Variants in ABCA3 observed in about 807,000 individuals in gnomAD.
The protein encoded by ABCA3 is ATP binding cassette subfamily A member 3, also known as phospholipid-transporting ATPase ABCA3.
ABCA3 carries 88 observed loss-of-function variants against 172.8 expected under a neutral mutation model. That is an observed-to-expected ratio of 0.51 (90% CI 0.43 to 0.61). The LOEUF is 0.61. ABCA3 is among the 20% of genes least tolerant of loss of function. The probability of loss-of-function intolerance (pLI) is 0.00; values close to 1 mark genes in which losing one functional copy is unlikely to be tolerated. For missense variants in ABCA3, 2,164 were observed against 2,301.0 expected (o/e 0.94, Z 1.22); for synonymous variants, 1,066 against 983.8 (o/e 1.08, Z -1.56).
chr16:2,279,796 G>C lies in ABCA3; in HGVS notation c.4360-666C>G, dbSNP rs1465051307. 1.3e-5 allele frequency among the ~76,000 whole-genome samples: 2 copies of C among 150,496 alleles called. No individual in the cohort carries two copies. Among genetic ancestry groups the C allele is most frequent in the Non-Finnish European group, 3.0e-5 (2 of 67,796 alleles). On this transcript the variant is annotated intron_variant, in intron 28 of 32. Transcript: ENST00000301732. This position sits in a 1 kb window ranked among gnomAD's most constrained non-coding sequence, Gnocchi z 4.4. Reference sequence around the variant, plus strand: ...TTACTCTGTCTCCCTTACACTGGTAGAGCGCAGTGGCATGATCTCGGCTCA... The same window carrying C: ...TTACTCTGTCTCCCTTACACTGGTACAGCGCAGTGGCATGATCTCGGCTCA...
At position 2,276,226 on chromosome 16, in the gene ABCA3, C is replaced by A; in HGVS notation, c.*448G>T. ...AGTGATCTGCATGGTCCATTCCTGG[C>A]GGCCTGGGGGCCTCGCTACAGTTCA... On this transcript the variant is annotated 3_prime_UTR_variant, in exon 33 of 33. Transcript: ENST00000301732. 2 of 441,698 alleles carry A rather than the reference C, an allele frequency of 4.5e-6. No individual in the cohort carries two copies. Among genetic ancestry groups the A allele is most frequent in the Admixed American group, 2.4e-5 (1 of 41,112 alleles). 27.4% of individuals were successfully genotyped at this position (441,698 alleles called of 1,614,324 possible).
Position 2,281,080 on chromosome 16 carries a change from T to A in ABCA3, c.4306A>T (p.Thr1436Ser). The A allele has an allele frequency of 6.2e-7, 1 of 1,613,670 alleles. No individual in the cohort carries two copies. ...FKMLTGEESLTSGDAFVGGHR... is the reference protein window; with the variant it reads ...FKMLTGEESLSSGDAFVGGHR... Reference sequence around the variant, plus strand: ...CCCCCGACAAAGGCATCCCCAGAAGTGAGGCTCTCCTCCCCGGTCAGCATT... The same window carrying A: ...CCCCCGACAAAGGCATCCCCAGAAGAGAGGCTCTCCTCCCCGGTCAGCATT... Residue 1436 changes from threonine to serine, a missense_variant, in exon 28 of 33, where the codon ACT (threonine) becomes TCT (serine). Physicochemically the swap from Thr to Ser is moderately conservative, Grantham distance 58. Around this residue, in one of 3 missense-constraint regions of ABCA3, gnomAD observed 795 missense variants for 881.9 expected, o/e 0.90. Coordinates refer to ENST00000301732, the MANE Select transcript of ABCA3 (RefSeq NM_001089.3). This position sits in a 1 kb window ranked among gnomAD's most constrained non-coding sequence, Gnocchi z 4.7.
At chr16:2,307,930 C>A (rs1258262575) in intron 11 of ABCA3, among the ~76,000 whole-genome samples, 2 of 152,138 alleles carry the variant, frequency 1.3e-5, no homozygotes, top group Non-Finnish European at 2.9e-5. Flanking sequence ...TTTTGAATGT[C>A]TCAGGAAGCT....
At chr16:2,301,352 C>G (rs2093689130) in intron 12 of ABCA3, among the ~76,000 whole-genome samples, 1 of 152,080 alleles carries the variant, frequency 6.6e-6, no homozygotes, top group South Asian at 2.1e-4. Context: ...TGTCATCTTA[C>G]AGTTGATGGA....
intron 20 of ABCA3, 21 bp from the exon 21 acceptor site, chr16:2,288,350 G>A: frequency 1.3e-6 from 2 of 1,540,022 alleles, no homozygotes; most frequent in Non-Finnish European, 1.7e-6. Context: ...GGGGACGCAG[G>A]TGACACCGGC....
chr16:2,328,124 G>GA (rs5815118), intron 3 of ABCA3, among the ~76,000 whole-genome samples: 13,194 of 152,146 alleles, frequency 0.087, 1,912 homozygotes, highest in African/African-American at 0.3. Flanking sequence ...ATATAATGGG[G>GA]AAAAAAATCT....
At chr16:2,318,687 AT>A (rs2093720644) in intron 8 of ABCA3, among the ~76,000 whole-genome samples, 1 of 151,640 alleles carries the variant, frequency 6.6e-6, no homozygotes, top group Non-Finnish European at 1.5e-5. Flanking sequence ...TAATTTTTGT[AT>A]TTTTAGTAGA....
At position 2,297,671 on chromosome 16, in the gene ABCA3, G is replaced by A. The variant is rs1412750454; in HGVS notation, c.2052+95C>T. ...TCCAAGGATGGTGATGGCCTTGTCT[G>A]GGGTGTCAAGGGCCAAGGTGCCCGG... On this transcript the variant is annotated intron_variant, in intron 16 of 32. Coordinates refer to ENST00000301732, the MANE Select transcript of ABCA3 (RefSeq NM_001089.3). The surrounding 1 kb of genome is among the most constrained non-coding windows in gnomAD (Gnocchi z 5.6). The A allele has an allele frequency of 1.9e-6, 3 of 1,589,316 alleles. No homozygotes were observed. The highest frequency in any genetic ancestry group is 2.6e-6 in the Non-Finnish European group (3 of 1,171,086).
At chr16:2,301,968 C>T (rs1273574331) in intron 12 of ABCA3, among the ~76,000 whole-genome samples, 1 of 152,258 alleles carries the variant, frequency 6.6e-6, no homozygotes, top group Non-Finnish European at 1.5e-5. Flanking sequence ...ACCTGGCCCG[C>T]CCAGGGCGGA....
In ABCA3 at chr16:2,279,759, T is replaced by TTTA. The variant is rs2093652267; in HGVS notation, c.4360-630_4360-629insTAA. On this transcript the variant is annotated intron_variant, in intron 28 of 32. Transcript: ENST00000301732. The surrounding 1 kb of genome is among the most constrained non-coding windows in gnomAD (Gnocchi z 4.4). ...CTTCCAGAATTTTTTTTTTTTTTTTTGAGACAGAGTCTTACTCTGTCTCCC... is the reference window on the plus strand; with the variant it reads ...CTTCCAGAATTTTTTTTTTTTTTTTTTTAGAGACAGAGTCTTACTCTGTCTCCC... Among the ~76,000 whole-genome samples, 1 of 151,108 alleles carries TTTA rather than the reference T, an allele frequency of 6.6e-6. No individual in the cohort carries two copies.
intron 11 of ABCA3, among the ~76,000 whole-genome samples, chr16:2,304,833 G>A (rs1050718446): frequency 1.3e-5 from 2 of 151,960 alleles, no homozygotes; most frequent in Non-Finnish European, 1.5e-5. Flanking sequence ...CCGCCACCGT[G>A]CCTGGCTAAT....
intron 10 of ABCA3, 125 bp downstream of exon 10, chr16:2,317,158 G>A (rs2093717209): frequency 4.2e-6 from 6 of 1,422,816 alleles, no homozygotes; most frequent in Non-Finnish European, 5.9e-6. Flanking sequence ...CCTTCCCCTG[G>A]TCAGCTCCTC....
At chr16:2,310,900 C>G (rs1323175378) in intron 10 of ABCA3, among the ~76,000 whole-genome samples, 2 of 152,086 alleles carry the variant, frequency 1.3e-5, no homozygotes, top group Non-Finnish European at 2.9e-5. Context: ...TTTTGTAAAC[C>G]TCCATAATGT....
rs71148128 is a variant in ABCA3, at chr16:2,316,490, CAAAAAAAAAAAAAAAAAAA to C, written c.1111+774_1111+792del. Reference sequence around the variant, plus strand: ...CAAAACCCCGTCTCTACTAAAAATGCAAAAAAAAAAAAAAAAAAAAAAAAAAAAAAAAAAAAAATTAGCC... The same window carrying C: ...CAAAACCCCGTCTCTACTAAAAATGCAAAAAAAAAAAAAAAAAAATTAGCC... On this transcript the variant is annotated intron_variant, in intron 10 of 32. Coordinates refer to ENST00000301732, the MANE Select transcript of ABCA3 (RefSeq NM_001089.3). Among the ~76,000 whole-genome samples the C allele has an allele frequency of 6.0e-3, 174 of 28,854 alleles. 5 individuals carry two copies. The Middle Eastern group carries it at 0.065, about 11-fold the overall frequency. The allele number at this position is 28,854 out of a possible 152,430, so 18.9% of individuals were successfully genotyped here.
rs939331980 is a variant in ABCA3 at position 2,297,987 on chromosome 16, G to C, written c.1897-66C>G. On this transcript the variant is annotated intron_variant, in intron 15 of 32. Coordinates refer to ENST00000301732, the MANE Select transcript of ABCA3 (RefSeq NM_001089.3). This position sits in a 1 kb window ranked among gnomAD's most constrained non-coding sequence, Gnocchi z 5.6. ...CGGGAGGCCGACCCTGGCCAGCGAGGTTCTGGTGAGAGGAACCTCTCCTTG... is the reference window on the plus strand; with the variant it reads ...CGGGAGGCCGACCCTGGCCAGCGAGCTTCTGGTGAGAGGAACCTCTCCTTG... 3 of 1,571,250 alleles carry C rather than the reference G, an allele frequency of 1.9e-6. No individual in the cohort carries two copies. Among genetic ancestry groups the C allele is most frequent in the African/African-American group, 1.3e-5 (1 of 74,138 alleles).
intron 10 of ABCA3, among the ~76,000 whole-genome samples, chr16:2,311,514 C>T (rs1018186365): frequency 6.6e-6 from 1 of 151,794 alleles, no homozygotes; most frequent in Non-Finnish European, 1.5e-5. Flanking sequence ...GTTTATCCTG[C>T]AGTTTGGATT....
intron 1 of ABCA3, among the ~76,000 whole-genome samples, chr16:2,331,176 C>T (rs2093742561): frequency 6.6e-6 from 1 of 152,058 alleles, no homozygotes; most frequent in Non-Finnish European, 1.5e-5. Context: ...TAAAAAAGAC[C>T]CCTAAGCCCC....
In ABCA3 at chr16:2,326,396, C is replaced by T. The variant is rs1755314299; in HGVS notation, c.54+17G>A. ...GGCTAGGCACGCAGCTGACCTCCCT[C>T]CAGAGTCTGGACGCACCTGCAGGGT... On this transcript the variant is annotated intron_variant, in intron 4 of 32. Transcript: ENST00000301732. 1 of 1,612,716 alleles carries T rather than the reference C, an allele frequency of 6.2e-7. No homozygotes were observed. Among genetic ancestry groups the T allele is most frequent in the Admixed American group, 1.7e-5 (1 of 59,874 alleles).
chr16:2,300,299 A>G, intron 12 of ABCA3, 151 bp from the exon 13 acceptor site: 1 of 1,133,342 alleles, frequency 8.8e-7, no homozygotes, highest in Non-Finnish European at 1.3e-6. Flanking sequence ...GGAGAGCCCC[A>G]GAGAGTCCCA....
Sources: gnomAD v4.1 joint callset for allele counts (sites outside exome capture counted in the v4.1 genomes callset) on GRCh38, gnomAD v4.1.1 for gene constraint, gnomAD v4.1.1 regional missense constraint, Gnocchi (gnomAD v3.1) non-coding constraint, MANE v1.5 for transcripts, NCBI Gene and HGNC (gene_info 2026-07-23, HGNC 2026-07-21) for gene names.